MPPED1: variants seen among roughly 807,000 people sequenced by gnomAD.
MPPED1 encodes the protein metallophosphoesterase domain-containing protein 1.
Under a neutral mutation model 36.2 loss-of-function variants are expected in MPPED1, and 16 were observed. The ratio of observed to expected loss-of-function variants is 0.44; its 90% CI spans 0.30 to 0.67. The LOEUF (loss-of-function observed/expected upper bound fraction) is 0.67, where lower values mean the gene tolerates loss of function less well. Ranked by LOEUF, MPPED1 falls within the 30% of genes least tolerant of loss-of-function variation. MPPED1 has a pLI of 0.10. For synonymous variants in MPPED1, 199 were observed against 191.3 expected, an observed-to-expected ratio of 1.04 and a Z score of -0.33; for missense variants, 307 against 453.4, an observed-to-expected ratio of 0.68 and a Z score of 2.93.
At chr22:43,418,271 C>T (rs1314511807) in intron 1 of MPPED1, 9 of 403,462 alleles carry the variant, frequency 2.2e-5, no homozygotes, top group Non-Finnish European at 3.0e-5. Flanking sequence ...CCTGGGCCTG[C>T]GCTGAGTTTG....
intron 2 of MPPED1, among the ~76,000 whole-genome samples, chr22:43,432,489 A>AGAGAG (rs1929744213): frequency 8.0e-6 from 1 of 125,690 alleles, no homozygotes; most frequent in Non-Finnish European, 1.7e-5. Context: ...GGGAGGAGAG[A>AGAGAG]AAGGGAGGAG....
intron 4 of MPPED1, among the ~76,000 whole-genome samples, chr22:43,488,006 G>T (rs373905971): frequency 1.9e-4 from 29 of 152,282 alleles, no homozygotes; most frequent in African/African-American, 7.0e-4. Flanking sequence ...CCGGGTTTGA[G>T]CCCTGGCTGT....
chr22:43,426,858 T>C (rs1443114716), intron 2 of MPPED1, among the ~76,000 whole-genome samples: 1 of 152,234 alleles, frequency 6.6e-6, no homozygotes, highest in Non-Finnish European at 1.5e-5. Flanking sequence ...TCTGGTTTTC[T>C]GTTTTTGGAG....
intron 3 of MPPED1, among the ~76,000 whole-genome samples, chr22:43,439,561 T>G (rs564772543): frequency 6.6e-6 from 1 of 152,310 alleles, no homozygotes; most frequent in South Asian, 2.1e-4. Flanking sequence ...CTGTGTTACC[T>G]CAGTCCAGTC....
intron 4 of MPPED1, among the ~76,000 whole-genome samples, chr22:43,482,952 G>T (rs190313012): frequency 3.3e-5 from 5 of 152,352 alleles, no homozygotes; most frequent in Admixed American, 2.0e-4. Flanking sequence ...TGATGTGATT[G>T]CAGTGACAGT....
chr22:43,490,234 T>C (rs1207981395), intron 4 of MPPED1, among the ~76,000 whole-genome samples: 12 of 152,158 alleles, frequency 7.9e-5, no homozygotes. Context: ...TTTGGAGATG[T>C]TCTCATGGCT....
chr22:43,475,494 G>GTGA (rs1569082199), intron 4 of MPPED1, among the ~76,000 whole-genome samples: 5 of 143,460 alleles, frequency 3.5e-5, no homozygotes, highest in Admixed American at 7.0e-5. Flanking sequence ...GGTGATGATG[G>GTGA]TGGTGATGAT....
chr22:43,417,509 C>G (rs948998109), intron 1 of MPPED1: 5 of 137,202 alleles, frequency 3.6e-5, no homozygotes, highest in Non-Finnish European at 7.7e-5. Flanking sequence ...TGCATATTTT[C>G]AAGCAGAGGC....
intron 3 of MPPED1, among the ~76,000 whole-genome samples, chr22:43,435,549 G>A (rs11913806): frequency 0.027 from 4,180 of 152,088 alleles, 185 homozygotes; most frequent in African/African-American, 0.096. Context: ...GCAAAGGTAG[G>A]GCCTCAATAA....
At chr22:43,500,334 G>A (rs1932675699) in intron 5 of MPPED1, among the ~76,000 whole-genome samples, 2 of 143,106 alleles carry the variant, frequency 1.4e-5, no homozygotes, top group African/African-American at 2.7e-5. Flanking sequence ...GGTGGTGGTG[G>A]AGGTGGTGGT....
At chr22:43,414,504 T>G (rs1929010431) in intron 1 of MPPED1, among the ~76,000 whole-genome samples, 1 of 152,194 alleles carries the variant, frequency 6.6e-6, no homozygotes, top group African/African-American at 2.4e-5. Flanking sequence ...TTTCCCAATT[T>G]CAGGCCTGTG....
At position 43,502,788 on chromosome 22, in the gene MPPED1, G is replaced by A. The variant is rs747893574; in HGVS notation, c.862+31G>A. 4 of 1,581,272 alleles carry A rather than the reference G, an allele frequency of 2.5e-6. No homozygotes were observed. The highest frequency in any genetic ancestry group is 2.2e-5 in the East Asian group (1 of 44,746). The stretch of plus-strand genomic sequence containing the variant: ...TACGTAGCGGAGACAGGCACCTCAC[G>A]GGCTAGGGGCTCCTAATGGACCCTC... On this transcript the variant is annotated intron_variant, in intron 6 of 6. Transcript: ENST00000443721. The surrounding 1 kb of genome is among the most constrained non-coding windows in gnomAD (Gnocchi z 5.5).
chr22:43,450,462 G>A (rs1569074269), intron 3 of MPPED1, among the ~76,000 whole-genome samples: 2 of 152,236 alleles, frequency 1.3e-5, no homozygotes, highest in Admixed American at 6.5e-5. Context: ...GAGACCTCTC[G>A]AGTTTGGATC....
intron 4 of MPPED1, 142 bp from the exon 5 acceptor site, chr22:43,498,093 T>G (rs1932490360): frequency 5.1e-6 from 3 of 592,494 alleles, no homozygotes; most frequent in Non-Finnish European, 8.8e-6. Flanking sequence ...AGTCCCTGCC[T>G]TCCCTAGGTG....
intron 2 of MPPED1, among the ~76,000 whole-genome samples, chr22:43,431,538 G>T (rs1056856572): frequency 6.6e-6 from 1 of 152,154 alleles, no homozygotes; most frequent in Admixed American, 6.5e-5. Flanking sequence ...GTCCAGCCTG[G>T]TAACAGTCCA....
chr22:43,490,005 G>C (rs960028135), intron 4 of MPPED1, among the ~76,000 whole-genome samples: 1 of 152,236 alleles, frequency 6.6e-6, no homozygotes, highest in Non-Finnish European at 1.5e-5. Context: ...ACTGGGGACA[G>C]AGGCATCATT....
At chr22:43,415,675 G>A (rs9623833) in intron 1 of MPPED1, among the ~76,000 whole-genome samples, 1 of 152,010 alleles carries the variant, frequency 6.6e-6, no homozygotes, top group Non-Finnish European at 1.5e-5. Flanking sequence ...AAGCAGCTGC[G>A]GGAAAAAATA....
At chr22:43,420,760 T>C (rs905478765) in intron 1 of MPPED1, among the ~76,000 whole-genome samples, 2 of 152,236 alleles carry the variant, frequency 1.3e-5, no homozygotes, top group Non-Finnish European at 2.9e-5. Context: ...TCTGTCTTTT[T>C]CCAGGTACTG....
In MPPED1 at chr22:43,418,177, T is replaced by A. The variant is rs1014996794; in HGVS notation, c.-79+6019T>A. 4 of 456,242 alleles carry A rather than the reference T, an allele frequency of 8.8e-6. No individual in the cohort carries two copies. The Admixed American group carries it at 9.4e-5, about 11-fold the overall frequency. The allele number at this position is 456,242 out of a possible 1,614,324, so 28.3% of individuals were successfully genotyped here. ...ACTGGCTTTGATCAGAGTGACCTTT[T>A]CCTTCCAAACGAGAGCACTTTCGAG... On this transcript the variant is annotated intron_variant, in intron 1 of 6. Transcript: ENST00000443721.
Sources: allele counts gnomAD v4.1 joint callset (sites outside exome capture counted in the v4.1 genomes callset), GRCh38; gene constraint gnomAD v4.1.1; non-coding constraint Gnocchi (gnomAD v3.1); transcripts MANE v1.5; gene names NCBI Gene and HGNC (gene_info 2026-07-23, HGNC 2026-07-21).